Variants in UBE2U observed in about 807,000 individuals in gnomAD.
The protein encoded by UBE2U is ubiquitin conjugating enzyme E2 U.
UBE2U carries 39 observed loss-of-function variants against 41.2 expected under a neutral mutation model. That is an observed-to-expected ratio of 0.95 (90% confidence interval 0.73 to 1.24). The LOEUF (loss-of-function observed/expected upper bound fraction) is 1.24. Ranked by LOEUF, UBE2U falls within the 50% of genes most tolerant of loss-of-function variation. The probability of loss-of-function intolerance (pLI) is 0.00; values close to 1 mark genes in which losing one functional copy is unlikely to be tolerated. For missense variants in UBE2U, 336 were observed against 363.1 expected (o/e 0.93, Z 0.61); for synonymous variants, 107 against 117.8 (o/e 0.91, Z 0.60).
At chr1:64,247,807 T>G (rs972031940) in intron 8 of UBE2U, among the ~76,000 whole-genome samples, 2 of 149,504 alleles carry the variant, frequency 1.3e-5, no homozygotes, top group Non-Finnish European at 3.0e-5. Flanking sequence ...GAGGCTGCAG[T>G]GAACCATGGT....
rs1483289966 is a variant in UBE2U at position 64,241,743 on chromosome 1, A to G, written c.677+10A>G. ...AAGAATGGAATTTAAAGTAAGAAAT[A>G]TGAAGTGCCTTGAATGTGTACATTA... is the stretch of plus-strand genomic sequence containing the variant. On this transcript the variant is annotated intron_variant, in intron 8 of 9. Transcript: ENST00000371077. The G allele has an allele frequency of 6.3e-7, 1 of 1,595,804 alleles. No individual in the cohort carries two copies. The highest frequency in any genetic ancestry group is 2.2e-5 in the East Asian group (1 of 44,560).
At chr1:64,234,880 C>T (rs959530746) in intron 7 of UBE2U, among the ~76,000 whole-genome samples, 3 of 152,124 alleles carry the variant, frequency 2.0e-5, no homozygotes, top group Non-Finnish European at 2.9e-5. Context: ...CTTAATTACA[C>T]AAACACTGTG....
At chr1:64,236,026 G>A (rs1644660829) in intron 7 of UBE2U, among the ~76,000 whole-genome samples, 1 of 152,154 alleles carries the variant, frequency 6.6e-6, no homozygotes, top group Admixed American at 6.6e-5. Context: ...GGTAAAGAAT[G>A]TACATCCTGG....
rs78941964 is a variant in UBE2U at position 64,233,722 on chromosome 1, T to C, written c.595+1073T>C. ...AGACAGATTGAGAGAGCTGGACAAC[T>C]TTCCGGTTCCATTTAACTGGATCTT... On this transcript the variant is annotated intron_variant, in intron 7 of 9. Coordinates refer to ENST00000371077, the MANE Select transcript of UBE2U (RefSeq NM_001366232.2). Among the ~76,000 whole-genome samples, 22 of 152,324 alleles carry C rather than the reference T, an allele frequency of 1.4e-4. No individual in the cohort carries two copies. The East Asian group carries it at 4.1e-3, about 28-fold the overall frequency.
At chr1:64,204,504 C>T (rs1557698124) in intron 1 of UBE2U, among the ~76,000 whole-genome samples, 1 of 152,208 alleles carries the variant, frequency 6.6e-6, no homozygotes, top group East Asian at 1.9e-4. Flanking sequence ...AGATTTTGCC[C>T]CATGATTCCA....
At position 64,228,688 on chromosome 1, in the gene UBE2U, T is replaced by C. The variant is rs6704238; in HGVS notation, c.507-3873T>C. ...TTCTTTTCTTTCTCTCTCTCTCTCT[T>C]TTTTTTTTTTTTTTTTTTTAAGACA... On this transcript the variant is annotated intron_variant, in intron 6 of 9. Coordinates refer to ENST00000371077, the MANE Select transcript of UBE2U (RefSeq NM_001366232.2). Among the ~76,000 whole-genome samples the C allele has an allele frequency of 2.4e-3, 34 of 14,276 alleles. No homozygotes were observed. The African/African-American group carries it at 0.034, about 14-fold the overall frequency. 9.4% of individuals were successfully genotyped at this position (14,276 alleles called of 152,430 possible). A position where few individuals can be genotyped will look rare whatever the true frequency, so the allele number is the denominator to read the frequency against.
At chr1:64,240,398 G>T (rs1644815646) in intron 7 of UBE2U, among the ~76,000 whole-genome samples, 1 of 152,196 alleles carries the variant, frequency 6.6e-6, no homozygotes, top group Admixed American at 6.5e-5. Context: ...GTGGGAGAGG[G>T]ATGAACTTAG....
intron 7 of UBE2U, among the ~76,000 whole-genome samples, chr1:64,232,930 A>G (rs542213627): frequency 6.6e-6 from 1 of 152,276 alleles, no homozygotes; most frequent in East Asian, 1.9e-4. Flanking sequence ...TCCTGAACTC[A>G]AGCGATCTTC....
At chr1:64,259,929 A>T (rs995388277) in intron 8 of UBE2U, among the ~76,000 whole-genome samples, 1 of 151,756 alleles carries the variant, frequency 6.6e-6, no homozygotes, top group African/African-American at 2.4e-5. Context: ...TTATTTCAAA[A>T]TAGGGTCTTT....
intron 9 of UBE2U, among the ~76,000 whole-genome samples, chr1:64,261,086 G>A (rs1282483383): frequency 2.0e-5 from 3 of 152,160 alleles, no homozygotes; most frequent in Non-Finnish European, 2.9e-5. Context: ...AAACAATGCT[G>A]AGTTGTTTTT....
intron 5 of UBE2U, among the ~76,000 whole-genome samples, chr1:64,220,009 TG>T (rs1652328360): frequency 6.6e-6 from 1 of 152,214 alleles, no homozygotes; most frequent in South Asian, 2.1e-4. Context: ...TCTCTTTTTT[TG>T]TGGTTAGGAT....
chr1:64,238,854 C>A (rs71645565), intron 7 of UBE2U, among the ~76,000 whole-genome samples: 25,472 of 151,596 alleles, frequency 0.17, 2,813 homozygotes, highest in Non-Finnish European at 0.24. Context: ...TCACCCTGGG[C>A]AAAATAGGGA....
chr1:64,241,237 A>T (rs573122994), intron 7 of UBE2U, among the ~76,000 whole-genome samples: 4 of 152,250 alleles, frequency 2.6e-5, no homozygotes, highest in African/African-American at 7.2e-5. Flanking sequence ...TCTTTTGAAA[A>T]AACTGATCTG....
intron 6 of UBE2U, among the ~76,000 whole-genome samples, chr1:64,224,279 G>T (rs539846520): frequency 1.3e-5 from 2 of 152,192 alleles, no homozygotes; most frequent in African/African-American, 4.8e-5. Flanking sequence ...CAAATATATA[G>T]AGATTCCAAA....
chr1:64,240,683 AT>A (rs1644820333), intron 7 of UBE2U, among the ~76,000 whole-genome samples: 1 of 152,174 alleles, frequency 6.6e-6, no homozygotes, highest in African/African-American at 2.4e-5. Flanking sequence ...TTGTTAAACT[AT>A]GATGTCTTGG....
chr1:64,249,171 G>T (rs944692099), intron 8 of UBE2U, among the ~76,000 whole-genome samples: 1 of 152,022 alleles, frequency 6.6e-6, no homozygotes, highest in African/African-American at 2.4e-5. Context: ...GAGGTCAGGA[G>T]TTTGAAACCA....
At chr1:64,222,021 AG>A in intron 6 of UBE2U, among the ~76,000 whole-genome samples, 1 of 145,490 alleles carries the variant, frequency 6.9e-6, no homozygotes, top group East Asian at 2.1e-4. Flanking sequence ...CAGGAGGCAG[AG>A]CTTGCAGTGA....
intron 2 of UBE2U, 130 bp downstream of exon 2, chr1:64,205,850 G>T: frequency 1.7e-6 from 1 of 586,242 alleles, no homozygotes; most frequent in Non-Finnish European, 2.8e-6. Flanking sequence ...GCATAAGTTT[G>T]CATTATACCA....
chr1:64,239,068 G>GGAAGAGGAAGAA, intron 7 of UBE2U, among the ~76,000 whole-genome samples: 1 of 64,866 alleles, frequency 1.5e-5, no homozygotes, highest in Non-Finnish European at 2.9e-5. Context: ...AAGAAGAAGA[G>GGAAGAGGAAGAA]GAAGAGGAAG....
Sources: gnomAD v4.1 joint callset for allele counts (sites outside exome capture counted in the v4.1 genomes callset) on GRCh38, gnomAD v4.1.1 for gene constraint, MANE v1.5 for transcripts, NCBI Gene and HGNC (gene_info 2026-07-23, HGNC 2026-07-21) for gene names.